The following SPHKAP variants were observed in gnomAD, a reference collection of about 807,000 sequenced individuals.
SPHKAP encodes the protein A-kinase anchor protein SPHKAP.
A neutral mutation model predicts 137.5 loss-of-function variants in SPHKAP; 67 were observed. The observed-to-expected ratio is 0.49, with a 90% confidence interval of 0.40 to 0.60. The LOEUF (loss-of-function observed/expected upper bound fraction) is 0.60, where lower values mean the gene tolerates loss of function less well. Ranked by LOEUF, SPHKAP falls within the 20% of genes least tolerant of loss-of-function variation. SPHKAP has a pLI of 0.00. For missense variants in SPHKAP, 2,097 were observed against 2,069.3 expected, an observed-to-expected ratio of 1.01 and a Z score of -0.26; for synonymous variants, 813 against 785.3, an observed-to-expected ratio of 1.04 and a Z score of -0.59.
At position 228,152,264 on chromosome 2, in the gene SPHKAP, G is replaced by A. The variant is rs375255093; in HGVS notation, c.33-20179C>T. Among the ~76,000 whole-genome samples the A allele has an allele frequency of 4.3e-4, 66 of 152,154 alleles. No individual in the cohort carries two copies. In the East Asian group the frequency reaches 9.3e-3, roughly 21 times the overall value. ...TCTTCAAAGTTCTTTATAAGTTTTT[G>A]AATAATTTCTTCTTGTAATTCTGTT... On this transcript the variant is annotated intron_variant, in intron 1 of 11. Coordinates refer to ENST00000392056, the MANE Select transcript of SPHKAP (RefSeq NM_001142644.2).
intron 3 of SPHKAP, among the ~76,000 whole-genome samples, chr2:228,030,549 A>AC (rs56784157): frequency 0.19 from 22,899 of 123,158 alleles, 2,086 homozygotes; most frequent in East Asian, 0.4. Flanking sequence ...AAAACAAAAA[A>AC]AAAAAAATAA....
intron 7 of SPHKAP, among the ~76,000 whole-genome samples, chr2:228,007,430 T>A (rs189201832): frequency 8.5e-5 from 13 of 152,234 alleles, no homozygotes; most frequent in Admixed American, 8.5e-4. Flanking sequence ...TGTCTAACTA[T>A]AGCTTTTTAC....
At chr2:228,050,552 T>C (rs2106272167) in intron 3 of SPHKAP, among the ~76,000 whole-genome samples, 1 of 152,358 alleles carries the variant, frequency 6.6e-6, no homozygotes, top group East Asian at 1.9e-4. Flanking sequence ...TTAGGGTACA[T>C]GTGATAATTT....
chr2:228,136,037 T>C (rs1263205590), intron 1 of SPHKAP, among the ~76,000 whole-genome samples: 4 of 152,228 alleles, frequency 2.6e-5, no homozygotes, highest in Admixed American at 2.6e-4. Flanking sequence ...GTATTTACAA[T>C]GATGCTGTCC....
In SPHKAP at chr2:228,093,876, A is replaced by C. The variant is rs1024410640; in HGVS notation, c.246+14956T>G. 2.5e-4 allele frequency among the ~76,000 whole-genome samples: 37 copies of C among 150,880 alleles called. No individual in the cohort carries two copies. In the South Asian group the frequency reaches 4.8e-3, roughly 20 times the overall value. ...CTCCGTTTCAAAAAAAAAAAAAAAAAAAAAAAAAAACAAAGCTATTGGGAC... is the reference window on the plus strand; with the variant it reads ...CTCCGTTTCAAAAAAAAAAAAAAAACAAAAAAAAAACAAAGCTATTGGGAC... On this transcript the variant is annotated intron_variant, in intron 3 of 11. Coordinates refer to ENST00000392056, the MANE Select transcript of SPHKAP (RefSeq NM_001142644.2).
intron 4 of SPHKAP, 42 bp downstream of exon 4, chr2:228,027,442 C>T (rs773565129): frequency 9.4e-6 from 15 of 1,597,280 alleles, no homozygotes; most frequent in Non-Finnish European, 1.2e-5. Flanking sequence ...GTTGAATAGT[C>T]CTTGTAATGA....
intron 2 of SPHKAP, 59 bp from the exon 3 acceptor site, chr2:228,108,998 G>GCT (rs1224004669): frequency 9.8e-5 from 103 of 1,056,288 alleles, no homozygotes; most frequent in East Asian, 1.1e-4. Flanking sequence ...CTAAACAGCA[G>GCT]CTCTCTCTCT....
chr2:228,113,458 G>A (rs185905488), intron 2 of SPHKAP, among the ~76,000 whole-genome samples: 84 of 152,062 alleles, frequency 5.5e-4, no homozygotes, highest in African/African-American at 1.6e-3. Context: ...AGGCTTAGAG[G>A]GATCAATACT....
intron 3 of SPHKAP, among the ~76,000 whole-genome samples, chr2:228,030,570 A>T (rs1008534199): frequency 6.6e-6 from 1 of 151,000 alleles, no homozygotes; most frequent in Non-Finnish European, 1.5e-5. Flanking sequence ...AAAAATTAAA[A>T]TATTCTAAAT....
chr2:228,062,154 AC>A (rs1404134850), intron 3 of SPHKAP, among the ~76,000 whole-genome samples: 2 of 150,312 alleles, frequency 1.3e-5, no homozygotes, highest in African/African-American at 4.9e-5. Flanking sequence ...CACTCCCCTG[AC>A]CTTTTTTTTT....
chr2:228,106,001 G>A (rs560451570), intron 3 of SPHKAP, among the ~76,000 whole-genome samples: 13 of 152,218 alleles, frequency 8.5e-5, no homozygotes, highest in East Asian at 3.9e-4. Flanking sequence ...TTCCTGTTCC[G>A]CATGCCTATC....
At chr2:228,118,213 T>C (rs1698778419) in intron 2 of SPHKAP, among the ~76,000 whole-genome samples, 1 of 150,576 alleles carries the variant, frequency 6.6e-6, no homozygotes, top group African/African-American at 2.4e-5. Context: ...TATTGCTGAG[T>C]AGCATTCCAT....
chr2:227,998,579 T>C (rs1693723572), intron 7 of SPHKAP, among the ~76,000 whole-genome samples: 1 of 152,204 alleles, frequency 6.6e-6, no homozygotes, highest in African/African-American at 2.4e-5. Context: ...CTGTGGAGAA[T>C]ACAGGCTGCT....
At chr2:228,171,499 G>T (rs904527359) in intron 1 of SPHKAP, among the ~76,000 whole-genome samples, 1 of 152,122 alleles carries the variant, frequency 6.6e-6, no homozygotes, top group African/African-American at 2.4e-5. Context: ...CTCTTCTTAG[G>T]AAGAAATAGT....
Position 228,018,207 on chromosome 2 carries a change from T to G in SPHKAP, c.2647A>C (p.Thr883Pro). ...GTGGCACAGTTGTACTTTTCTTGGG[T>G]GTTTGGGTGGATACTCTCCTCAGCC... ...QEAEESIHPNTQEKYNCATSR... is the reference protein window; with the variant it reads ...QEAEESIHPNPQEKYNCATSR... The change falls in exon 7 of 12, where the codon ACC becomes CCC. Residue 883 changes from threonine (T) to proline (P), a missense_variant. Thr to Pro is a conservative substitution (Grantham distance 38, BLOSUM62 -1). Transcript: ENST00000392056. 6.2e-7 allele frequency: 1 copy of G among 1,614,040 alleles called. No individual in the cohort carries two copies. The highest frequency in any genetic ancestry group is 8.5e-7 in the Non-Finnish European group (1 of 1,179,996).
chr2:228,092,642 A>AT (rs1347336743), intron 3 of SPHKAP, among the ~76,000 whole-genome samples: 5 of 148,220 alleles, frequency 3.4e-5, no homozygotes, highest in Non-Finnish European at 7.4e-5. Context: ...TTATATGTGT[A>AT]TATATGTATA....
At chr2:228,171,547 T>A (rs1274658728) in intron 1 of SPHKAP, among the ~76,000 whole-genome samples, 1 of 152,186 alleles carries the variant, frequency 6.6e-6, no homozygotes, top group Non-Finnish European at 1.5e-5. Flanking sequence ...TGTCAAATTC[T>A]CCTAAGAATT....
At chr2:228,046,284 T>C (rs1156913134) in intron 3 of SPHKAP, among the ~76,000 whole-genome samples, 1 of 140,882 alleles carries the variant, frequency 7.1e-6, no homozygotes, top group East Asian at 2.1e-4. Context: ...TGAATACTGT[T>C]GTTATTCTTT....
At chr2:228,173,065 T>C in intron 1 of SPHKAP, 2 of 985,430 alleles carry the variant, frequency 2.0e-6, no homozygotes, top group Non-Finnish European at 1.2e-6. Flanking sequence ...AGGTCCATCC[T>C]GATCTGGTTT....
Sources: gnomAD v4.1 joint callset for allele counts (sites outside exome capture counted in the v4.1 genomes callset) on GRCh38, gnomAD v4.1.1 for gene constraint, MANE v1.5 for transcripts, NCBI Gene and HGNC (gene_info 2026-07-23, HGNC 2026-07-21) for gene names.